IL17RB: variants seen among roughly 807,000 people sequenced by gnomAD.
IL17RB encodes interleukin-17 receptor B.
IL17RB carries 36 observed loss-of-function variants against 43.9 expected under a neutral mutation model. That is an observed-to-expected ratio of 0.82 (90% CI 0.63 to 1.08). IL17RB has a LOEUF of 1.08. IL17RB is among the 50% of genes least tolerant of loss of function. IL17RB has a pLI of 0.00. For synonymous variants in IL17RB, 225 were observed against 225.4 expected, an observed-to-expected ratio of 1.00 and a Z score of 0.02; for missense variants, 613 against 613.6, an observed-to-expected ratio of 1.00 and a Z score of 0.01.
intron 5 of IL17RB, 40 bp from the exon 6 acceptor site, chr3:53,855,254 C>A (rs1475273794): frequency 2.8e-6 from 4 of 1,446,410 alleles, no homozygotes; most frequent in Non-Finnish European, 3.9e-6. Flanking sequence ...GGCAGAGATA[C>A]CTTTTTCTAA....
chr3:53,854,189 A>G (rs915551109), intron 5 of IL17RB, among the ~76,000 whole-genome samples: 1 of 152,120 alleles, frequency 6.6e-6, no homozygotes, highest in Non-Finnish European at 1.5e-5. Context: ...GAGCCACCGT[A>G]CCCAGCCTTA....
chr3:53,860,353 A>G (rs1438909732), intron 10 of IL17RB, 125 bp downstream of exon 10: 4 of 678,186 alleles, frequency 5.9e-6, no homozygotes, highest in Non-Finnish European at 1.0e-5. Flanking sequence ...GCATTTATGT[A>G]ATACCTTCAA....
rs370221101 is a variant in IL17RB, at chr3:53,853,010, A to T, written c.481+13A>T. 1 of 1,613,774 alleles carries T rather than the reference A, an allele frequency of 6.2e-7. No individual in the cohort carries two copies. The highest frequency in any genetic ancestry group is 8.5e-7 in the Non-Finnish European group (1 of 1,179,758). ...TTCACCTCACCAGGTAAACTTCCTC[A>T]TTTGTTTATTATTCTTTGTCTTGCT... On this transcript the variant is annotated intron_variant, in intron 5 of 10. Transcript: ENST00000288167.
rs1383920617 is a variant in IL17RB at position 53,850,826 on chromosome 3, AAAAG to A, written c.226+1032_226+1035del. 1.6e-4 allele frequency among the ~76,000 whole-genome samples: 22 copies of A among 133,888 alleles called. 1 individual carries two copies. The highest frequency in any genetic ancestry group is 6.7e-4 in the African/African-American group (21 of 31,244). 87.8% of individuals were successfully genotyped at this position (133,888 alleles called of 152,430 possible). ...AAAATAAAATAAAATAAAATAAAATAAAAGTCAGGGTAGTGGTTCCTGCTGGGGT... is the reference window on the plus strand; with the variant it reads ...AAAATAAAATAAAATAAAATAAAATATCAGGGTAGTGGTTCCTGCTGGGGT... On this transcript the variant is annotated intron_variant, in intron 3 of 10. Coordinates refer to ENST00000288167, the MANE Select transcript of IL17RB (RefSeq NM_018725.4).
chr3:53,860,007 C>G (rs1699500963), intron 9 of IL17RB, 123 bp from the exon 10 acceptor site: 1 of 713,450 alleles, frequency 1.4e-6, no homozygotes, highest in African/African-American at 1.8e-5. Context: ...GAGACTCTGT[C>G]TCAAAACTAA....
rs149160066 is a variant in IL17RB, at chr3:53,858,797, G to T, written c.826G>T (p.Val276Phe). The change falls in exon 9 of 11, where the codon GTC (valine) becomes TTC (phenylalanine). Residue 276 changes from valine (V) to phenylalanine (F), a missense_variant. Val to Phe is a conservative substitution (Grantham distance 50). Coordinates refer to ENST00000288167, the MANE Select transcript of IL17RB (RefSeq NM_018725.4). ...AGTTGTGCTCTGCCCACAAACAGGCGTCCCTTTCCCTCTGGATAACAGTAA... is the reference window on the plus strand; with the variant it reads ...AGTTGTGCTCTGCCCACAAACAGGCTTCCCTTTCCCTCTGGATAACAGTAA... The part of the protein sequence containing the change: ...GTVVLCPQTG[V>F]PFPLDNNKSK... The T allele has an allele frequency of 5.6e-6, 9 of 1,613,990 alleles. No individual in the cohort carries two copies. The highest frequency in any genetic ancestry group is 7.6e-6 in the Non-Finnish European group (9 of 1,179,888).
Position 53,848,682 on chromosome 3 carries a change from G to C in IL17RB, c.79G>C (p.Glu27Gln), listed in dbSNP as rs1699026487. The change falls in exon 2 of 11, where the codon GAA becomes CAA. Residue 27 changes from glutamate to glutamine, a missense_variant. Transcript: ENST00000288167. ...CCCACAGACCGTTCAATGTGGCTCT[G>C]AAACTGGTAGGTGCATTAGAGAATG... Reference protein sequence around the residue: ...PREPTVQCGSETGPSPEWMLQ... With the variant: ...PREPTVQCGSQTGPSPEWMLQ... 6.2e-7 allele frequency: 1 copy of C among 1,614,124 alleles called. No individual in the cohort carries two copies.
At chr3:53,859,813 C>A (rs3821869) in intron 9 of IL17RB, 68,079 of 198,382 alleles carry the variant, frequency 0.34, 12,125 homozygotes, top group East Asian at 0.49. Flanking sequence ...TTGGCAGACT[C>A]TCTAAAGAGC....
At chr3:53,860,025 TA>T in intron 9 of IL17RB, 104 bp from the exon 10 acceptor site, 1 of 812,606 alleles carries the variant, frequency 1.2e-6, no homozygotes, top group Admixed American at 2.4e-5. Context: ...TAAAAAATAA[TA>T]AAAAATAAAT....
chr3:53,857,638 G>A lies in IL17RB; in HGVS notation c.695G>A (p.Arg232Gln), dbSNP rs2232343. Residue 232 changes from arginine (R) to glutamine (Q), a missense_variant, in exon 8 of 11, where the codon CGA becomes CAA. Physicochemically the swap from Arg to Gln is conservative, Grantham distance 43. Coordinates refer to ENST00000288167, the MANE Select transcript of IL17RB (RefSeq NM_018725.4). ...AAGCCACACCAGAAGAAACAAACGC[G>A]AGCTTCAGTGGTGATTCCAGTGACT... ...VFEPHQKKQT[R>Q]ASVVIPVTGD... is the part of the protein sequence containing the mutation. The A allele has an allele frequency of 7.4e-4, 1,199 of 1,614,164 alleles. 10 individuals are homozygous for A. In the African/African-American group the frequency reaches 0.013, roughly 18 times the overall value.
At chr3:53,855,680 C>G (rs938510800) in intron 6 of IL17RB, among the ~76,000 whole-genome samples, 4 of 152,158 alleles carry the variant, frequency 2.6e-5, no homozygotes, top group African/African-American at 9.6e-5. Context: ...GATGGGAGTC[C>G]TACGAGCCCT....
At chr3:53,857,447 G>A (rs570776333) in intron 7 of IL17RB, among the ~76,000 whole-genome samples, 169 bp from the exon 8 acceptor site, 7 of 152,196 alleles carry the variant, frequency 4.6e-5, no homozygotes, top group African/African-American at 7.2e-5. Flanking sequence ...CCACCATGCC[G>A]AGCTAATTTT....
chr3:53,850,447 TGATC>T (rs1489761080), intron 3 of IL17RB, among the ~76,000 whole-genome samples: 1 of 137,898 alleles, frequency 7.3e-6, no homozygotes, highest in Non-Finnish European at 1.6e-5. Flanking sequence ...CAGTGAGCTG[TGATC>T]GCACCACTGC....
chr3:53,859,023 C>T, intron 9 of IL17RB: 1 of 490,168 alleles, frequency 2.0e-6, no homozygotes, highest in East Asian at 3.2e-5. Flanking sequence ...TTTGTAAAAC[C>T]ACTCGTGACT....
intron 3 of IL17RB, among the ~76,000 whole-genome samples, chr3:53,850,451 C>T (rs573399565): frequency 8.4e-5 from 12 of 142,720 alleles, no homozygotes; most frequent in East Asian, 2.2e-4. Flanking sequence ...GAGCTGTGAT[C>T]GCACCACTGC....
At chr3:53,857,544 C>CA (rs1186608853) in intron 7 of IL17RB, 72 bp from the exon 8 acceptor site, 1 of 1,418,416 alleles carries the variant, frequency 7.1e-7, no homozygotes, top group South Asian at 1.2e-5. Context: ...CTTGGCCTCC[C>CA]AAAGTGTTGG....
At chr3:53,860,014 C>G in intron 9 of IL17RB, 116 bp from the exon 10 acceptor site, 1 of 761,042 alleles carries the variant, frequency 1.3e-6, no homozygotes, top group Non-Finnish European at 2.1e-6. Context: ...TGTCTCAAAA[C>G]TAAAAAATAA....
chr3:53,864,451 C>T (rs985314178), intron 10 of IL17RB, among the ~76,000 whole-genome samples: 3 of 152,038 alleles, frequency 2.0e-5, no homozygotes, highest in African/African-American at 7.2e-5. Flanking sequence ...AGGAGAATGG[C>T]GTGAACCCAG....
intron 3 of IL17RB, 81 bp downstream of exon 3, chr3:53,849,876 C>A: frequency 7.3e-7 from 1 of 1,364,610 alleles, no homozygotes. Flanking sequence ...CATTAATTCC[C>A]CTTCTACGCA....
Sources: allele counts gnomAD v4.1 joint callset (sites outside exome capture counted in the v4.1 genomes callset), GRCh38; gene constraint gnomAD v4.1.1; transcripts MANE v1.5; gene names NCBI Gene and HGNC (gene_info 2026-07-23, HGNC 2026-07-21).